The following ATP2B2 variants were observed in gnomAD, a reference collection of about 807,000 sequenced individuals.
ATP2B2 encodes ATPase plasma membrane Ca2+ transporting 2.
In ATP2B2, 15 loss-of-function variants were observed where a neutral mutation model predicts 120.0. The observed-to-expected ratio is 0.12, with a 90% CI of 0.08 to 0.19. The LOEUF is 0.19. Ranked by LOEUF, ATP2B2 falls within the 10% of genes least tolerant of loss-of-function variation. The pLI, the probability that ATP2B2 is intolerant of heterozygous loss-of-function variation, is 1.00. For missense variants in ATP2B2, 1,045 were observed against 1,719.8 expected, an observed-to-expected ratio of 0.61 and a Z score of 6.94; for synonymous variants, 694 against 700.3, an observed-to-expected ratio of 0.99 and a Z score of 0.14.
At chr3:10,379,200 G>A in intron 9 of ATP2B2, 43 bp downstream of exon 9, 1 of 1,601,980 alleles carries the variant, frequency 6.2e-7, no homozygotes, top group Non-Finnish European at 8.5e-7. Context: ...CGGTGGGGAG[G>A]GGCCTCAGGG....
rs139149165 is a variant in ATP2B2 at position 10,347,642 on chromosome 3, T to C, written c.2405-1505A>G. Among the ~76,000 whole-genome samples, 147 of 152,326 alleles carry C rather than the reference T, an allele frequency of 9.7e-4. No individual in the cohort carries two copies. The highest frequency in any genetic ancestry group is 2.0e-3 in the African/African-American group (84 of 41,578). On this transcript the variant is annotated intron_variant, in intron 16 of 22. Coordinates refer to ENST00000360273, the MANE Select transcript of ATP2B2 (RefSeq NM_001001331.4). This position sits in a 1 kb window ranked among gnomAD's most constrained non-coding sequence, Gnocchi z 5.2. ...CTCAGCCTCCCCAAGCTTGTCCCCTTGGGACATTAGGCCTGAGTTTCCATA... is the reference window on the plus strand; with the variant it reads ...CTCAGCCTCCCCAAGCTTGTCCCCTCGGGACATTAGGCCTGAGTTTCCATA...
Position 10,350,450 on chromosome 3 carries a change from A to T in ATP2B2, c.2264T>A (p.Leu755Gln). ...GTTGAACTCCTTGCCCTCGAGGCAC[A>T]GAAAGTCCTCCCCAGGATGGATGAT... ...CGIIHPGEDF[L>Q]CLEGKEFNRR... The change falls in exon 15 of 23, where the codon CTG becomes CAG. Residue 755 changes from leucine to glutamine, a missense_variant. By Grantham distance (113) the Leu-to-Gln change is moderately radical. Around this residue, in one of 11 missense-constraint regions of ATP2B2, gnomAD observed 343 missense variants for 536.8 expected, o/e 0.64. Transcript: ENST00000360273. 6.2e-7 allele frequency: 1 copy of T among 1,614,224 alleles called. No homozygotes were observed. The highest frequency in any genetic ancestry group is 1.6e-4 in the Middle Eastern group (1 of 6,062).
Position 10,328,545 on chromosome 3 carries a change from C to CGTATCATTAAAAA in ATP2B2, c.*268_*269insTTTTTAATGATAC. On this transcript the variant is annotated 3_prime_UTR_variant, in exon 23 of 23. Coordinates refer to ENST00000360273, the MANE Select transcript of ATP2B2 (RefSeq NM_001001331.4). ...GGCTGGTCCATGTCTGGGTGGGAGC[C>CGTATCATTAAAAA]AGGAAGGGCTTGTTTTGGGAAAACC... is the stretch of plus-strand genomic sequence containing the variant. 2 of 472,640 alleles carry CGTATCATTAAAAA rather than the reference C, an allele frequency of 4.2e-6. No homozygotes were observed. The highest frequency in any genetic ancestry group is 3.8e-5 in the Admixed American group (1 of 26,554). 29.3% of individuals were successfully genotyped at this position (472,640 alleles called of 1,614,324 possible). A position where few individuals can be genotyped will look rare whatever the true frequency, so the allele number is the denominator to read the frequency against.
At position 10,622,765 on chromosome 3, in the gene ATP2B2, C is replaced by G. The variant is rs373340286; in HGVS notation, c.-459-2804G>C. ...GCAGAGGCTTTAATCAGGATCAGGG[C>G]TCAGGTGAGCCACTGCCCCAGAAGA... On this transcript the variant is annotated intron_variant, in intron 1 of 21. Transcript: ENST00000646379. 2.3e-4 allele frequency among the ~76,000 whole-genome samples: 35 copies of G among 152,340 alleles called. 2 individuals carry two copies. In the East Asian group the frequency reaches 5.0e-3, roughly 22 times the overall value.
At chr3:10,350,999 T>G (rs1321072961) in intron 14 of ATP2B2, among the ~76,000 whole-genome samples, 2 of 152,218 alleles carry the variant, frequency 1.3e-5, no homozygotes, top group Non-Finnish European at 2.9e-5. Context: ...TCCTGCAAAC[T>G]TGACAGATCT....
At chr3:10,443,579 G>A (rs1017408719) in intron 2 of ATP2B2, among the ~76,000 whole-genome samples, 1 of 152,102 alleles carries the variant, frequency 6.6e-6, no homozygotes, top group African/African-American at 2.4e-5. Context: ...GCTAAAACCC[G>A]CCTGAAAATG....
chr3:10,583,543 T>C lies in ATP2B2; in HGVS notation c.-415+36374A>G, dbSNP rs541410670. Among the ~76,000 whole-genome samples, 24 of 152,326 alleles carry C rather than the reference T, an allele frequency of 1.6e-4. No homozygotes were observed. In the East Asian group the frequency reaches 2.9e-3, roughly 18 times the overall value. ...TGCTGGGATCTTAGGATCCGTGCCC[T>C]GATTGCATATTTCATTCAGGAATCT... is the stretch of plus-strand genomic sequence containing the variant. On this transcript the variant is annotated intron_variant, in intron 2 of 21. Coordinates refer to the ATP2B2 transcript ENST00000646379.
chr3:10,614,788 G>C (rs1287111272), intron 2 of ATP2B2, among the ~76,000 whole-genome samples: 1 of 152,170 alleles, frequency 6.6e-6, no homozygotes, highest in Non-Finnish European at 1.5e-5. Context: ...ATCTACCACA[G>C]CACGGAGTCC....
intron 1 of ATP2B2, among the ~76,000 whole-genome samples, chr3:10,489,057 A>C (rs2065838635): frequency 6.6e-6 from 1 of 152,002 alleles, no homozygotes; most frequent in African/African-American, 2.4e-5. Context: ...CTGTTTCTCC[A>C]ACTCACTGAG....
chr3:10,350,220 G>T, intron 15 of ATP2B2, 21 bp from the exon 16 acceptor site: 2 of 1,599,684 alleles, frequency 1.3e-6, no homozygotes, highest in Non-Finnish European at 1.7e-6. Flanking sequence ...ATGGGGAAGG[G>T]GGCGGGTCGG....
intron 1 of ATP2B2, among the ~76,000 whole-genome samples, chr3:10,682,218 T>G (rs1452674401): frequency 2.0e-5 from 3 of 152,230 alleles, no homozygotes; most frequent in African/African-American, 4.8e-5. Flanking sequence ...TCCATCTGCC[T>G]CCACCACAAA....
chr3:10,504,875 G>A (rs2125418821), intron 1 of ATP2B2, among the ~76,000 whole-genome samples: 1 of 152,224 alleles, frequency 6.6e-6, no homozygotes, highest in South Asian at 2.1e-4. Flanking sequence ...GCCATGGAGG[G>A]GACCCAGGAA....
At chr3:10,548,916 C>T (rs2067608163) in intron 2 of ATP2B2, among the ~76,000 whole-genome samples, 1 of 152,228 alleles carries the variant, frequency 6.6e-6, no homozygotes, top group African/African-American at 2.4e-5. Context: ...TTAATCATTA[C>T]ATATGCCAGG....
intron 2 of ATP2B2, among the ~76,000 whole-genome samples, chr3:10,615,299 C>T (rs2069355312): frequency 6.6e-6 from 1 of 152,132 alleles, no homozygotes; most frequent in African/African-American, 2.4e-5. Flanking sequence ...AACCAGGAGG[C>T]TGACCCAGTG....
upstream of ATP2B2, among the ~76,000 whole-genome samples, chr3:10,505,896 T>C (rs2066610239): frequency 6.6e-6 from 1 of 151,764 alleles, no homozygotes; most frequent in Admixed American, 6.6e-5. Context: ...CCCAGGAATA[T>C]GCCCGCTCCC....
chr3:10,471,109 C>T (rs1248515923), intron 1 of ATP2B2, among the ~76,000 whole-genome samples: 2 of 152,204 alleles, frequency 1.3e-5, no homozygotes, highest in Non-Finnish European at 2.9e-5. Flanking sequence ...GTCCGACCTG[C>T]CCAGTCCAAC....
In ATP2B2 at chr3:10,635,216, C is replaced by G. The variant is rs1335412971; in HGVS notation, c.-459-15255G>C. ...AGAGAAGTTGGAAATCCAGGTACTT[C>G]CATGGCATCTCTCAATTTGGGGATG... On this transcript the variant is annotated intron_variant, in intron 1 of 21. Coordinates refer to the ATP2B2 transcript ENST00000646379. This position sits in a 1 kb window ranked among gnomAD's most constrained non-coding sequence, Gnocchi z 4.3. 6.6e-6 allele frequency among the ~76,000 whole-genome samples: 1 copy of G among 152,110 alleles called. No homozygotes were observed. The highest frequency in any genetic ancestry group is 1.5e-5 in the Non-Finnish European group (1 of 68,018).
At chr3:10,479,679 C>T (rs192347469) in intron 1 of ATP2B2, among the ~76,000 whole-genome samples, 24 of 152,216 alleles carry the variant, frequency 1.6e-4, no homozygotes, top group East Asian at 3.9e-4. Flanking sequence ...CCTGTGTCTA[C>T]GTTTTCATCA....
Position 10,347,553 on chromosome 3 carries a change from C to T in ATP2B2, c.2405-1416G>A, listed in dbSNP as rs1362815087. 6.6e-6 allele frequency among the ~76,000 whole-genome samples: 1 copy of T among 152,210 alleles called. No individual in the cohort carries two copies. Among genetic ancestry groups the T allele is most frequent in the Non-Finnish European group, 1.5e-5 (1 of 68,018 alleles). On this transcript the variant is annotated intron_variant, in intron 16 of 22. Transcript: ENST00000360273. This position sits in a 1 kb window ranked among gnomAD's most constrained non-coding sequence, Gnocchi z 5.2. The stretch of plus-strand genomic sequence containing the variant: ...AGGCCCAGCTGCAGTGCCGTGTGTT[C>T]TGGGAATCGTTCTGGGCTGCTCCCA...
Sources: gnomAD v4.1 joint callset for allele counts (sites outside exome capture counted in the v4.1 genomes callset) on GRCh38, gnomAD v4.1.1 for gene constraint, gnomAD v4.1.1 regional missense constraint, Gnocchi (gnomAD v3.1) non-coding constraint, MANE v1.5 for transcripts, NCBI Gene and HGNC (gene_info 2026-07-23, HGNC 2026-07-21) for gene names.